The following MVB12B variants were observed in gnomAD, a reference collection of about 807,000 sequenced individuals.
MVB12B encodes the protein multivesicular body subunit 12B, also known as ESCRT-I complex subunit MVB12B.
A neutral mutation model predicts 41.6 loss-of-function variants in MVB12B; 16 were observed. The observed-to-expected ratio is 0.38, with a 90% CI of 0.26 to 0.58. MVB12B has a LOEUF of 0.58. Ranked by LOEUF, MVB12B falls within the 20% of genes least tolerant of loss-of-function variation. The pLI, the probability that MVB12B is intolerant of heterozygous loss-of-function variation, is 0.62. For synonymous variants in MVB12B, 133 were observed against 139.7 expected (o/e 0.95, Z 0.34); for missense variants, 274 against 380.2 (o/e 0.72, Z 2.32).
intron 6 of MVB12B, among the ~76,000 whole-genome samples, chr9:126,414,180 T>C (rs766520588): frequency 5.9e-5 from 9 of 152,204 alleles, no homozygotes; most frequent in Admixed American, 1.3e-4. Flanking sequence ...TGAAGGGCTT[T>C]TATATGGAGC....
intron 6 of MVB12B, among the ~76,000 whole-genome samples, chr9:126,401,713 AT>A (rs773448846): frequency 1.3e-5 from 2 of 152,130 alleles, no homozygotes; most frequent in African/African-American, 2.4e-5. Flanking sequence ...CCATCACATC[AT>A]TGTCAGAAGC....
rs187604113 is a variant in MVB12B at position 126,333,212 on chromosome 9, G to A, written c.81+6202G>A. Among the ~76,000 whole-genome samples the A allele has an allele frequency of 5.9e-5, 9 of 151,998 alleles. No individual in the cohort carries two copies. The highest frequency in any genetic ancestry group is 2.2e-4 in the African/African-American group (9 of 41,348). On this transcript the variant is annotated intron_variant, in intron 1 of 9. Transcript: ENST00000361171. The surrounding 1 kb of genome is among the most constrained non-coding windows in gnomAD (Gnocchi z 4.7). ...AGTGATTCTTCTGCCTCAGCCTCCC[G>A]AGTAGGTGGGACTACAGGTGCGTGC...
chr9:126,394,285 T>C (rs1831043689), intron 5 of MVB12B, among the ~76,000 whole-genome samples: 1 of 152,252 alleles, frequency 6.6e-6, no homozygotes, highest in African/African-American at 2.4e-5. Flanking sequence ...TAATTTCAGT[T>C]GCTATGTGTA....
chr9:126,419,458 CG>C (rs2059988808), intron 6 of MVB12B, among the ~76,000 whole-genome samples: 2 of 152,168 alleles, frequency 1.3e-5, no homozygotes, highest in East Asian at 3.9e-4. Flanking sequence ...CACTGGGCCG[CG>C]CATATTGTGT....
chr9:126,355,584 C>T (rs1366062489), intron 2 of MVB12B, among the ~76,000 whole-genome samples: 1 of 152,216 alleles, frequency 6.6e-6, no homozygotes, highest in Non-Finnish European at 1.5e-5. Context: ...ATTTAGGAAG[C>T]AGCCTGCTGA....
chr9:126,335,107 C>A, intron 1 of MVB12B: 1 of 462,670 alleles, frequency 2.2e-6, no homozygotes, highest in Non-Finnish European at 3.2e-6. Flanking sequence ...AAATTCTTTG[C>A]GATCTAGGAG....
chr9:126,386,726 T>G lies in MVB12B; in HGVS notation c.409+68T>G. ...TTCCTCCAGGTATATTTGTAGGTGT[T>G]TTTCTATGTGCATTTTTCTTCAGAA... is the stretch of plus-strand genomic sequence containing the variant. On this transcript the variant is annotated intron_variant, in intron 4 of 9. Transcript: ENST00000361171. This position sits in a 1 kb window ranked among gnomAD's most constrained non-coding sequence, Gnocchi z 4.3. The G allele has an allele frequency of 8.4e-7, 1 of 1,190,162 alleles. No individual in the cohort carries two copies. Among genetic ancestry groups the G allele is most frequent in the Non-Finnish European group, 1.2e-6 (1 of 807,078 alleles). 73.7% of individuals were successfully genotyped at this position (1,190,162 alleles called of 1,614,324 possible). A position where few individuals can be genotyped will look rare whatever the true frequency, so the allele number is the denominator to read the frequency against.
intron 7 of MVB12B, among the ~76,000 whole-genome samples, chr9:126,426,256 C>T (rs997684969): frequency 1.3e-5 from 2 of 152,242 alleles, no homozygotes; most frequent in Non-Finnish European, 2.9e-5. Context: ...TGCTATTCAT[C>T]CTTACTCTTT....
At chr9:126,379,736 C>T (rs1031176053) in intron 2 of MVB12B, among the ~76,000 whole-genome samples, 1 of 152,166 alleles carries the variant, frequency 6.6e-6, no homozygotes, top group African/African-American at 2.4e-5. Context: ...CCTCAGAGAG[C>T]GTGGCCGTGG....
At chr9:126,349,861 G>T (rs540317293) in intron 2 of MVB12B, among the ~76,000 whole-genome samples, 2 of 152,160 alleles carry the variant, frequency 1.3e-5, no homozygotes, top group Non-Finnish European at 2.9e-5. Context: ...ATTCCTCTGG[G>T]ATAAATATCC....
At chr9:126,495,679 A>G (rs1833814910) in intron 9 of MVB12B, among the ~76,000 whole-genome samples, 1 of 151,986 alleles carries the variant, frequency 6.6e-6, no homozygotes, top group African/African-American at 2.4e-5. Context: ...ACCTCCACCC[A>G]CCACCCACCT....
intron 9 of MVB12B, among the ~76,000 whole-genome samples, chr9:126,489,576 G>A (rs984490216): frequency 4.6e-5 from 7 of 152,236 alleles, no homozygotes; most frequent in Non-Finnish European, 7.3e-5. Flanking sequence ...AACCTCTCAC[G>A]ATTCAGACAT....
At chr9:126,405,763 G>A (rs1372079045) in intron 6 of MVB12B, among the ~76,000 whole-genome samples, 1 of 151,342 alleles carries the variant, frequency 6.6e-6, no homozygotes, top group Non-Finnish European at 1.5e-5. Flanking sequence ...CAGTGGGTAG[G>A]GTAGAATTCA....
At chr9:126,408,571 C>T (rs1831518627) in intron 6 of MVB12B, among the ~76,000 whole-genome samples, 1 of 151,974 alleles carries the variant, frequency 6.6e-6, no homozygotes. Flanking sequence ...GAACCCGTCA[C>T]AGGCTTTTAA....
chr9:126,480,573 G>A lies in MVB12B; in HGVS notation c.758-796G>A, dbSNP rs1289780753. On this transcript the variant is annotated intron_variant, in intron 7 of 9. Coordinates refer to ENST00000361171, the MANE Select transcript of MVB12B (RefSeq NM_033446.3). The surrounding 1 kb of genome is among the most constrained non-coding windows in gnomAD (Gnocchi z 4.9). ...GCCACAGAAAAGGAACCAGGCCCCT[G>A]GTTTCTCCATCGTTGCGTCCCCGTT... 6.6e-6 allele frequency among the ~76,000 whole-genome samples: 1 copy of A among 152,316 alleles called. No homozygotes were observed.
chr9:126,457,201 C>T (rs2119170298), intron 7 of MVB12B, among the ~76,000 whole-genome samples: 1 of 152,354 alleles, frequency 6.6e-6, no homozygotes, highest in African/African-American at 2.4e-5. Flanking sequence ...CAAGTCTCTC[C>T]CCTTTCTTAG....
intron 1 of MVB12B, among the ~76,000 whole-genome samples, chr9:126,339,355 C>T (rs965778206): frequency 3.9e-5 from 6 of 152,328 alleles, no homozygotes; most frequent in Admixed American, 2.0e-4. Flanking sequence ...ATCTGGCAGA[C>T]CTGCAGCCAG....
At chr9:126,456,873 A>AAGAAG (rs1285843521) in intron 7 of MVB12B, among the ~76,000 whole-genome samples, 2 of 143,762 alleles carry the variant, frequency 1.4e-5, no homozygotes, top group Non-Finnish European at 3.0e-5. Flanking sequence ...TATAAAAGAA[A>AAGAAG]AAGTAAGCGT....
At chr9:126,341,455 G>A (rs1355744977) in intron 2 of MVB12B, among the ~76,000 whole-genome samples, 1 of 152,170 alleles carries the variant, frequency 6.6e-6, no homozygotes, top group Non-Finnish European at 1.5e-5. Context: ...GTGACGTTTT[G>A]TTCTTATTCA....
Sources: gnomAD v4.1 joint callset for allele counts (sites outside exome capture counted in the v4.1 genomes callset) on GRCh38, gnomAD v4.1.1 for gene constraint, Gnocchi (gnomAD v3.1) non-coding constraint, MANE v1.5 for transcripts, NCBI Gene and HGNC (gene_info 2026-07-23, HGNC 2026-07-21) for gene names.